CRHR2: variants seen among roughly 807,000 people sequenced by gnomAD.
CRHR2 encodes corticotropin-releasing hormone receptor 2.
Under a neutral mutation model 57.9 loss-of-function variants are expected in CRHR2, and 53 were observed. The observed-to-expected ratio is 0.92, with a 90% CI of 0.73 to 1.15. The LOEUF is 1.15. CRHR2 is among the 50% of genes most tolerant of loss of function. The pLI, the probability that CRHR2 is intolerant of heterozygous loss-of-function variation, is 0.00. For missense variants in CRHR2, 532 were observed against 542.6 expected, an observed-to-expected ratio of 0.98 and a Z score of 0.19; for synonymous variants, 213 against 220.9, an observed-to-expected ratio of 0.96 and a Z score of 0.32.
chr7:30,655,029 A>G lies in CRHR2; in HGVS notation c.1095+10T>C. 1 of 1,612,856 alleles carries G rather than the reference A, an allele frequency of 6.2e-7. No homozygotes were observed. Among genetic ancestry groups the G allele is most frequent in the Non-Finnish European group, 8.5e-7 (1 of 1,179,316 alleles). On this transcript the variant is annotated intron_variant, in intron 11 of 11. Transcript: ENST00000471646. ...ATATCCCAGGCCACCCCGAGGGCCC[A>G]GCTTCATACCTCTCCATTGAAGAAG...
At chr7:30,699,719 C>T (rs752261641) in intron 1 of CRHR2, 3 of 403,494 alleles carry the variant, frequency 7.4e-6, no homozygotes, top group Non-Finnish European at 1.3e-5. Context: ...CACCCAGGCA[C>T]GGGATCTCCA....
upstream of CRHR2, among the ~76,000 whole-genome samples, chr7:30,687,224 AG>A (rs879373318): frequency 2.0e-5 from 3 of 152,130 alleles, no homozygotes; most frequent in Admixed American, 6.6e-5. Context: ...TGGGGACTTG[AG>A]AAATGATTCC....
chr7:30,682,010 TC>T lies in CRHR2; in HGVS notation c.133del (p.Asp45ThrfsTer106). 6.2e-7 allele frequency: 1 copy of T among 1,601,654 alleles called. No homozygotes were observed. The highest frequency in any genetic ancestry group is 8.5e-7 in the Non-Finnish European group (1 of 1,174,666). On this transcript the variant is annotated frameshift_variant, in exon 2 of 12. Transcript: ENST00000471646. LOFTEE classifies it high-confidence loss of function. ...GPYSYCNTTL[D>X]QIGTCWPRSA... is the part of the protein sequence containing the mutation. ...GCGGGGCCAGCACGTTCCGATCTGG[TC>T]CAAGGTCGTGTTGCAGTAGGAGTAG...
Position 30,655,025 on chromosome 7 carries a change from G to T in CRHR2, c.1095+14C>A, listed in dbSNP as rs8192490. On this transcript the variant is annotated intron_variant, in intron 11 of 11. Transcript: ENST00000471646. ...CTGGATATCCCAGGCCACCCCGAGGGCCCAGCTTCATACCTCTCCATTGAA... is the reference window on the plus strand; with the variant it reads ...CTGGATATCCCAGGCCACCCCGAGGTCCCAGCTTCATACCTCTCCATTGAA... 6.2e-7 allele frequency: 1 copy of T among 1,612,434 alleles called. No homozygotes were observed. Among genetic ancestry groups the T allele is most frequent in the Non-Finnish European group, 8.5e-7 (1 of 1,179,128 alleles).
intron 2 of CRHR2, among the ~76,000 whole-genome samples, chr7:30,671,667 C>T (rs149742714): frequency 0.022 from 3,206 of 147,264 alleles, 117 homozygotes; most frequent in African/African-American, 0.076. Flanking sequence ...AATAGCCAGG[C>T]GTGGTGGTGT....
chr7:30,673,868 G>C (rs1007634998), intron 2 of CRHR2, among the ~76,000 whole-genome samples: 17 of 152,202 alleles, frequency 1.1e-4, no homozygotes, highest in Admixed American at 9.2e-4. Context: ...CCCAAGCTCA[G>C]ACCCAGACTG....
upstream of CRHR2, among the ~76,000 whole-genome samples, chr7:30,683,090 G>A (rs1784778612): frequency 6.6e-6 from 1 of 152,348 alleles, no homozygotes; most frequent in South Asian, 2.1e-4. Context: ...AGGAACTGGA[G>A]TGGGTGGCTG....
At chr7:30,666,397 G>C (rs924308084) in intron 3 of CRHR2, among the ~76,000 whole-genome samples, 4 of 152,216 alleles carry the variant, frequency 2.6e-5, no homozygotes, top group African/African-American at 9.7e-5. Flanking sequence ...AACAAAGTTA[G>C]TGATGAAATA....
chr7:30,664,997 CCAGA>C lies in CRHR2; in HGVS notation c.543+69_543+72del, dbSNP rs924003549. The C allele has an allele frequency of 9.8e-6, 12 of 1,228,040 alleles. No individual in the cohort carries two copies. The East Asian group carries it at 1.6e-4, about 17-fold the overall frequency. The allele number at this position is 1,228,040 out of a possible 1,614,324, so 76.1% of individuals were successfully genotyped here. A position where few individuals can be genotyped will look rare whatever the true frequency, so the allele number is the denominator to read the frequency against. ...GACAAAGGAGGGGTCCAAGCAGAGACCAGACAGACAGATGGGTGCCCCCGGAGCC... is the reference window on the plus strand; with the variant it reads ...GACAAAGGAGGGGTCCAAGCAGAGACCAGACAGATGGGTGCCCCCGGAGCC... On this transcript the variant is annotated intron_variant, in intron 5 of 11. Transcript: ENST00000471646.
Position 30,655,168 on chromosome 7 carries a change from G to T in CRHR2, c.1054-88C>A, listed in dbSNP as rs959288008. The T allele has an allele frequency of 2.8e-6, 4 of 1,410,430 alleles. No individual in the cohort carries two copies. The African/African-American group carries it at 5.7e-5, about 20-fold the overall frequency. 87.4% of individuals were successfully genotyped at this position (1,410,430 alleles called of 1,614,324 possible). On this transcript the variant is annotated intron_variant, in intron 10 of 11. Coordinates refer to ENST00000471646, the MANE Select transcript of CRHR2 (RefSeq NM_001883.5). The stretch of plus-strand genomic sequence containing the variant: ...GGGTGGCACTGGGGACAAGATGGTG[G>T]GGGGGGGACAATTTGACCCAGGAAC...
chr7:30,672,694 G>A (rs1355344350), intron 2 of CRHR2, among the ~76,000 whole-genome samples: 1 of 152,248 alleles, frequency 6.6e-6, no homozygotes, highest in Non-Finnish European at 1.5e-5. Flanking sequence ...AACCCCACAT[G>A]GGGGAGGGGT....
intron 2 of CRHR2, among the ~76,000 whole-genome samples, chr7:30,688,300 G>T (rs1269725490): frequency 6.6e-6 from 1 of 152,162 alleles, no homozygotes; most frequent in Non-Finnish European, 1.5e-5. Context: ...CTCCAGAATG[G>T]TGATGAAATC....
chr7:30,688,114 T>A (rs1371391999), intron 2 of CRHR2, among the ~76,000 whole-genome samples: 1 of 152,232 alleles, frequency 6.6e-6, no homozygotes, highest in African/African-American at 2.4e-5. Context: ...TAAAGTAAGG[T>A]AAGCGGGCTT....
intron 1 of CRHR2, among the ~76,000 whole-genome samples, chr7:30,696,995 A>G (rs914575306): frequency 1.3e-5 from 2 of 152,196 alleles, no homozygotes; most frequent in African/African-American, 4.8e-5. Flanking sequence ...AGACTAAATT[A>G]GCTAGTGAGG....
intron 1 of CRHR2, among the ~76,000 whole-genome samples, chr7:30,691,796 C>T (rs781405316): frequency 3.3e-5 from 5 of 152,148 alleles, no homozygotes; most frequent in Admixed American, 6.5e-5. Context: ...TGACTCAGTC[C>T]GAAGTCGTAA....
intron 1 of CRHR2, chr7:30,698,296 C>T (rs982553842): frequency 2.0e-5 from 3 of 152,326 alleles, no homozygotes; most frequent in Admixed American, 2.0e-4. Context: ...CCTGGGATGA[C>T]CTCAAGGGAC....
intron 7 of CRHR2, among the ~76,000 whole-genome samples, chr7:30,661,737 G>A (rs1299620719): frequency 6.6e-6 from 1 of 152,140 alleles, no homozygotes; most frequent in Non-Finnish European, 1.5e-5. Context: ...CACCCAGGCA[G>A]AGACTGAGAC....
In CRHR2 at chr7:30,682,211, A is replaced by G. The variant is rs1784739775; in HGVS notation, c.70T>C (p.Leu24=). The G allele has an allele frequency of 1.9e-6, 3 of 1,589,950 alleles. No individual in the cohort carries two copies. Among genetic ancestry groups the G allele is most frequent in the Non-Finnish European group, 1.7e-6 (2 of 1,175,844 alleles). Residue 24 remains leucine (L), a synonymous_variant, in exon 1 of 12, where the codon TTG becomes CTG. Coordinates refer to ENST00000471646, the MANE Select transcript of CRHR2 (RefSeq NM_001883.5). The part of the protein sequence containing the change: ...CSLALAEELL[L]DGWGPPLDPE... ...TCCAGGGGTGGCCCCCAGCCGTCCA[A>G]GAGCAGCTCTTCAGCCAGCGCCAGG...
At chr7:30,655,849 G>A in intron 9 of CRHR2, 78 bp downstream of exon 9, 1 of 1,584,104 alleles carries the variant, frequency 6.3e-7, no homozygotes, top group Non-Finnish European at 8.7e-7. Flanking sequence ...GGGGCAGAGG[G>A]CTCTGCCAGG....
Sources: gnomAD v4.1 joint callset for allele counts (sites outside exome capture counted in the v4.1 genomes callset) on GRCh38, gnomAD v4.1.1 for gene constraint, MANE v1.5 for transcripts, NCBI Gene and HGNC (gene_info 2026-07-23, HGNC 2026-07-21) for gene names.